Variants in SLC35F5 observed in about 807,000 individuals in gnomAD.
SLC35F5 encodes solute carrier family 35 member F5.
Under a neutral mutation model 68.6 loss-of-function variants are expected in SLC35F5, and 54 were observed. That is an observed-to-expected ratio of 0.79 (90% CI 0.63 to 0.99). The LOEUF is 0.99. SLC35F5 is among the 50% of genes least tolerant of loss of function. The pLI, the probability that SLC35F5 is intolerant of heterozygous loss-of-function variation, is 0.00. For missense variants in SLC35F5, 567 were observed against 626.9 expected (o/e 0.90, Z 1.02); for synonymous variants, 211 against 205.2 (o/e 1.03, Z -0.24).
At position 113,710,643 on chromosome 2, in the gene SLC35F5, G is replaced by C. The variant is rs1686953446; in HGVS notation, c.*4575C>G. ...ACAAAAAAACTAATCAGGAATGGGG[G>C]CACATGCCAGTAGTCCCAACTACTC... On this transcript the variant is annotated 3_prime_UTR_variant, in exon 16 of 16. Transcript: ENST00000245680. Among the ~76,000 whole-genome samples, 1 of 152,060 alleles carries C rather than the reference G, an allele frequency of 6.6e-6. No homozygotes were observed. Among genetic ancestry groups the C allele is most frequent in the South Asian group, 2.1e-4 (1 of 4,834 alleles).
chr2:113,746,628 T>C (rs1369536894), intron 4 of SLC35F5, among the ~76,000 whole-genome samples: 3 of 152,160 alleles, frequency 2.0e-5, no homozygotes, highest in Admixed American at 6.5e-5. Context: ...GGAACACTAC[T>C]ATAACATTTC....
chr2:113,718,764 C>T (rs1687272919), intron 14 of SLC35F5, among the ~76,000 whole-genome samples: 1 of 150,540 alleles, frequency 6.6e-6, no homozygotes, highest in African/African-American at 2.5e-5. Flanking sequence ...CATTGCACTC[C>T]AGGCTGGGCT....
At chr2:113,738,566 A>G (rs1688175178) in intron 7 of SLC35F5, among the ~76,000 whole-genome samples, 1 of 152,132 alleles carries the variant, frequency 6.6e-6, no homozygotes, top group Admixed American at 6.6e-5. Flanking sequence ...ATGGAGGTAC[A>G]GATGTCTCTT....
At chr2:113,743,258 T>C (rs17043331) in intron 6 of SLC35F5, among the ~76,000 whole-genome samples, 3,756 of 152,250 alleles carry the variant, frequency 0.025, 177 homozygotes, top group African/African-American at 0.085. Context: ...ATTAGTTTCT[T>C]GGGCAAGCAC....
intron 13 of SLC35F5, among the ~76,000 whole-genome samples, 183 bp downstream of exon 13, chr2:113,722,921 A>G (rs1450380773): frequency 2.0e-5 from 3 of 152,236 alleles, no homozygotes; most frequent in African/African-American, 7.2e-5. Context: ...GGAAAAGCTA[A>G]AAATGGAAAT....
At chr2:113,754,316 A>C (rs975601307) in intron 3 of SLC35F5, among the ~76,000 whole-genome samples, 5 of 152,030 alleles carry the variant, frequency 3.3e-5, no homozygotes, top group East Asian at 3.9e-4. Flanking sequence ...AAAAAAAAAA[A>C]AAAACTTATA....
chr2:113,712,831 A>G lies in SLC35F5; in HGVS notation c.*2387T>C, dbSNP rs1215719270. 3.3e-5 allele frequency: 5 copies of G among 152,230 alleles called. No homozygotes were observed. Among genetic ancestry groups the G allele is most frequent in the African/African-American group, 9.6e-5 (4 of 41,466 alleles). 9.4% of individuals were successfully genotyped at this position (152,230 alleles called of 1,614,324 possible). ...TCTATTTGTTTTTAGATTCAGAAAA[A>G]TATAATTACAGGCCAACATGGGTCT... is the stretch of plus-strand genomic sequence containing the variant. On this transcript the variant is annotated 3_prime_UTR_variant, in exon 16 of 16. Coordinates refer to ENST00000245680, the MANE Select transcript of SLC35F5 (RefSeq NM_025181.5).
chr2:113,730,941 T>G (rs1292845434), intron 10 of SLC35F5, among the ~76,000 whole-genome samples: 1 of 152,168 alleles, frequency 6.6e-6, no homozygotes, highest in Non-Finnish European at 1.5e-5. Context: ...ATTAGTAACT[T>G]TACACTGGAG....
intron 9 of SLC35F5, among the ~76,000 whole-genome samples, chr2:113,732,839 AT>A (rs1366623607): frequency 6.6e-6 from 1 of 152,154 alleles, no homozygotes; most frequent in Non-Finnish European, 1.5e-5. Context: ...AGACGAGAAA[AT>A]TGGCACAGAA....
intron 14 of SLC35F5, 78 bp from the exon 15 acceptor site, chr2:113,717,928 C>G: frequency 9.9e-7 from 1 of 1,005,620 alleles, no homozygotes; most frequent in Non-Finnish European, 1.5e-6. Flanking sequence ...ATTCCATTGC[C>G]TGAAGCTATG....
chr2:113,735,804 T>A lies in SLC35F5; in HGVS notation c.805A>T (p.Ile269Leu). The part of the protein sequence containing the change: ...QEALSDTQVA[I>L]VNILSSTSGL... ...GAAGTTGAAGATAAAATATTAACTA[T>A]AGCAACTTGTGTGTCTGAAAGTGCT... The change falls in exon 8 of 16, where the codon ATA becomes TTA. Residue 269 changes from isoleucine to leucine, a missense_variant. Ile to Leu is a conservative substitution (Grantham distance 5). Transcript: ENST00000245680. 1 of 1,607,414 alleles carries A rather than the reference T, an allele frequency of 6.2e-7. No homozygotes were observed. Among genetic ancestry groups the A allele is most frequent in the Non-Finnish European group, 8.5e-7 (1 of 1,177,598 alleles).
chr2:113,744,774 C>T (rs926811422), intron 5 of SLC35F5, among the ~76,000 whole-genome samples: 3 of 152,046 alleles, frequency 2.0e-5, no homozygotes, highest in African/African-American at 7.2e-5. Flanking sequence ...AATATTTATA[C>T]TTTTAGAGAA....
intron 7 of SLC35F5, 96 bp downstream of exon 7, chr2:113,742,596 A>T (rs1676319098): frequency 8.0e-7 from 1 of 1,250,416 alleles, no homozygotes; most frequent in Admixed American, 2.0e-5. Flanking sequence ...TAAACAACCT[A>T]ATTGTCTCAC....
chr2:113,725,708 T>TAAA (rs142067133), intron 11 of SLC35F5, 171 bp from the exon 12 acceptor site: 381 of 462,904 alleles, frequency 8.2e-4, no homozygotes, highest in Non-Finnish European at 1.0e-3. Context: ...CTCAACGCCA[T>TAAA]AGAAAAAAAA....
chr2:113,747,055 G>A (rs1016046040), intron 4 of SLC35F5, among the ~76,000 whole-genome samples: 1 of 152,174 alleles, frequency 6.6e-6, no homozygotes, highest in South Asian at 2.1e-4. Context: ...GGGAGGCTGA[G>A]GTGGGTTGAT....
intron 13 of SLC35F5, among the ~76,000 whole-genome samples, chr2:113,722,138 C>A (rs1450215184): frequency 6.6e-6 from 1 of 151,886 alleles, no homozygotes; most frequent in Admixed American, 6.6e-5. Context: ...TCACACCCAG[C>A]TAATTTTTGT....
intron 7 of SLC35F5, 89 bp from the exon 8 acceptor site, chr2:113,735,947 C>A (rs10199704): frequency 1.3e-6 from 1 of 781,362 alleles, no homozygotes; most frequent in Non-Finnish European, 2.1e-6. Context: ...TTGTTCTCCT[C>A]CTAAATACCG....
intron 11 of SLC35F5, 165 bp from the exon 12 acceptor site, chr2:113,725,702 A>C: frequency 1.8e-6 from 1 of 542,800 alleles, no homozygotes; most frequent in Non-Finnish European, 3.2e-6. Flanking sequence ...GAATAGCTCA[A>C]CGCCATAGAA....
intron 13 of SLC35F5, 45 bp from the exon 14 acceptor site, chr2:113,719,353 T>C (rs755723906): frequency 4.0e-6 from 6 of 1,495,904 alleles, no homozygotes; most frequent in Non-Finnish European, 5.3e-6. Context: ...CAATTATCAT[T>C]AAGGCAATTT....
Sources: allele counts gnomAD v4.1 joint callset (sites outside exome capture counted in the v4.1 genomes callset), GRCh38; gene constraint gnomAD v4.1.1; transcripts MANE v1.5; gene names NCBI Gene and HGNC (gene_info 2026-07-23, HGNC 2026-07-21).